APOL6: variants seen among roughly 807,000 people sequenced by gnomAD.
APOL6 encodes apolipoprotein L, 6.
In APOL6, 1 loss-of-function variant was observed where a neutral mutation model predicts 2.4. The ratio of observed to expected loss-of-function variants is 0.41; its 90% CI spans 0.15 to 1.94. APOL6 has a LOEUF of 1.94. APOL6 is among the 30% of genes most tolerant of loss of function. APOL6 has a pLI of 0.30. For synonymous variants in APOL6, 189 were observed against 169.3 expected, an observed-to-expected ratio of 1.12 and a Z score of -0.90; for missense variants, 438 against 429.2, an observed-to-expected ratio of 1.02 and a Z score of -0.18.
At position 35,659,714 on chromosome 22, in the gene APOL6, A is replaced by G. The variant is rs372090746; in HGVS notation, c.*118A>G. The G allele has an allele frequency of 7.2e-7, 1 of 1,385,040 alleles. No homozygotes were observed. The highest frequency in any genetic ancestry group is 2.5e-5 in the East Asian group (1 of 40,004). The allele number at this position is 1,385,040 out of a possible 1,614,324, so 85.8% of individuals were successfully genotyped here. A position where few individuals can be genotyped will look rare whatever the true frequency, so the allele number is the denominator to read the frequency against. On this transcript the variant is annotated 3_prime_UTR_variant, in exon 3 of 3. Transcript: ENST00000409652. ...CGGCATGCCTTCTGTTTCTCCTTCA[A>G]TGCTCCTTAAGGCCTATGTGCTGGG... is the stretch of plus-strand genomic sequence containing the variant.
rs200300305 is a variant in APOL6, at chr22:35,659,381, G to A, written c.817G>A (p.Ala273Thr). Residue 273 changes from alanine (A) to threonine (T), a missense_variant, in exon 3 of 3, where the codon GCC becomes ACC. Coordinates refer to ENST00000409652, the MANE Select transcript of APOL6 (RefSeq NM_030641.4). Reference sequence around the variant, plus strand: ...GACAAAGTTTGCGGAAGAGTTGAGAGCCAAGGCCTTGGAGCTGGAGAGGAA... The same window carrying A: ...GACAAAGTTTGCGGAAGAGTTGAGAACCAAGGCCTTGGAGCTGGAGAGGAA... ...ARTKFAEELRAKALELERKLT... is the reference protein window; with the variant it reads ...ARTKFAEELRTKALELERKLT... The A allele has an allele frequency of 6.2e-7, 1 of 1,614,124 alleles. No homozygotes were observed. Among genetic ancestry groups the A allele is most frequent in the African/African-American group, 1.3e-5 (1 of 75,020 alleles).
chr22:35,662,818 A>G lies in APOL6; in HGVS notation c.*3222A>G, dbSNP rs1238470557. On this transcript the variant is annotated 3_prime_UTR_variant, in exon 3 of 3. Coordinates refer to ENST00000409652, the MANE Select transcript of APOL6 (RefSeq NM_030641.4). ...AAATCTATCGGTGCTTGGTACCAGC[A>G]TGAGCTAACTTTATGGCTCAAACCA... 3.3e-5 allele frequency: 5 copies of G among 152,240 alleles called. No homozygotes were observed. The highest frequency in any genetic ancestry group is 1.2e-4 in the African/African-American group (5 of 41,466). 9.4% of individuals were successfully genotyped at this position (152,240 alleles called of 1,614,324 possible).
rs1363174492 is a variant in APOL6, at chr22:35,661,927, C to A, written c.*2331C>A. ...TCTTATCAAACCATGGTTGTATATG[C>A]AGTTGACCGAAACATTGTTATTGGA... is the stretch of plus-strand genomic sequence containing the variant. On this transcript the variant is annotated 3_prime_UTR_variant, in exon 3 of 3. Transcript: ENST00000409652. The A allele has an allele frequency of 6.6e-6, 1 of 152,162 alleles. No homozygotes were observed. The highest frequency in any genetic ancestry group is 2.4e-5 in the African/African-American group (1 of 41,434). The allele number at this position is 152,162 out of a possible 1,614,324, so 9.4% of individuals were successfully genotyped here. A position where few individuals can be genotyped will look rare whatever the true frequency, so the allele number is the denominator to read the frequency against.
At position 35,658,869 on chromosome 22, in the gene APOL6, C is replaced by T. The variant is rs778035401; in HGVS notation, c.305C>T (p.Thr102Ile). The T allele has an allele frequency of 6.2e-7, 1 of 1,614,154 alleles. No individual in the cohort carries two copies. The highest frequency in any genetic ancestry group is 8.5e-7 in the Non-Finnish European group (1 of 1,180,022). ...CTGGGTTTAGCCCTTGCCCCAGCAA[C>T]AGGAGGAGGAAGCCTGCTGCTCTCC... is the stretch of plus-strand genomic sequence containing the variant. ...SLLGLALAPA[T>I]GGGSLLLSTA... Residue 102 changes from threonine (T) to isoleucine (I), a missense_variant, in exon 3 of 3, where the codon ACA (threonine) becomes ATA (isoleucine). Thr to Ile is a moderately conservative substitution (Grantham distance 89). Transcript: ENST00000409652.
At chr22:35,656,124 G>T (rs763214339) in intron 1 of APOL6, among the ~76,000 whole-genome samples, 35 of 152,128 alleles carry the variant, frequency 2.3e-4, no homozygotes, top group Non-Finnish European at 4.4e-4. Flanking sequence ...TGCCAAAGTG[G>T]CATATTTTGG....
Position 35,649,326 on chromosome 22 carries a change from T to G in APOL6, c.-48+703T>G, listed in dbSNP as rs1924628233. Among the ~76,000 whole-genome samples the G allele has an allele frequency of 2.0e-5, 3 of 150,904 alleles. No individual in the cohort carries two copies. In the South Asian group the frequency reaches 6.2e-4, roughly 31 times the overall value. On this transcript the variant is annotated intron_variant, in intron 1 of 2. Coordinates refer to ENST00000409652, the MANE Select transcript of APOL6 (RefSeq NM_030641.4). ...GGTGCACACCTGTAGTCCCAGCTAC[T>G]TGGGAGGGTGCTGAGGTGGAAGGAT...
At chr22:35,654,753 T>G (rs1291880248) in intron 1 of APOL6, among the ~76,000 whole-genome samples, 4 of 152,122 alleles carry the variant, frequency 2.6e-5, no homozygotes, top group African/African-American at 9.7e-5. Flanking sequence ...GTGGTCATAA[T>G]TGTGAGAGAA....
chr22:35,652,602 G>A (rs1182031641), intron 1 of APOL6, among the ~76,000 whole-genome samples: 2 of 152,208 alleles, frequency 1.3e-5, no homozygotes, highest in Non-Finnish European at 2.9e-5. Context: ...TCCAGTTTCA[G>A]CTTTCTGCGT....
At chr22:35,658,410 C>T (rs537579275) in intron 2 of APOL6, among the ~76,000 whole-genome samples, 2 of 152,322 alleles carry the variant, frequency 1.3e-5, no homozygotes, top group Admixed American at 6.5e-5. Flanking sequence ...CTTCCACATG[C>T]CCCTCTTATG....
chr22:35,660,211 G>A lies in APOL6; in HGVS notation c.*615G>A, dbSNP rs558435645. Reference sequence around the variant, plus strand: ...ATGGACCCTTTGGGAGGTAATTAGGGTTGACTGAGGCCATAGGGTGAGGTC... The same window carrying A: ...ATGGACCCTTTGGGAGGTAATTAGGATTGACTGAGGCCATAGGGTGAGGTC... On this transcript the variant is annotated 3_prime_UTR_variant, in exon 3 of 3. Coordinates refer to ENST00000409652, the MANE Select transcript of APOL6 (RefSeq NM_030641.4). 6.5e-6 allele frequency: 1 copy of A among 154,132 alleles called. No homozygotes were observed. The highest frequency in any genetic ancestry group is 6.4e-5 in the Admixed American group (1 of 15,696). 9.5% of individuals were successfully genotyped at this position (154,132 alleles called of 1,614,324 possible).
intron 1 of APOL6, among the ~76,000 whole-genome samples, chr22:35,649,671 G>A (rs1205710531): frequency 6.6e-6 from 1 of 151,796 alleles, no homozygotes. Context: ...CAGGTCAGAG[G>A]GGATGGAATG....
At chr22:35,650,400 G>T (rs184270836) in intron 1 of APOL6, among the ~76,000 whole-genome samples, 1,920 of 152,314 alleles carry the variant, frequency 0.013, 22 homozygotes, top group Middle Eastern at 0.024. Flanking sequence ...TATTGAATGT[G>T]TAATGATACA....
In APOL6 at chr22:35,659,528, G is replaced by A; in HGVS notation, c.964G>A (p.Glu322Lys). The change falls in exon 3 of 3, where the codon GAG (glutamate) becomes AAG (lysine). Residue 322 changes from glutamate (E) to lysine (K), a missense_variant. Transcript: ENST00000409652. Reference sequence around the variant, plus strand: ...CGAGGCTTACTGGAAGGAGTTAAGGGAGCATGTGTGGATGTGGCTGTGGCT... The same window carrying A: ...CGAGGCTTACTGGAAGGAGTTAAGGAAGCATGTGTGGATGTGGCTGTGGCT... ...ETEAYWKELR[E>K]HVWMWLWLCV... 2 of 1,614,138 alleles carry A rather than the reference G, an allele frequency of 1.2e-6. No individual in the cohort carries two copies. The highest frequency in any genetic ancestry group is 1.7e-5 in the Admixed American group (1 of 60,030).
chr22:35,654,420 C>T (rs969714475), intron 1 of APOL6, among the ~76,000 whole-genome samples: 1 of 151,752 alleles, frequency 6.6e-6, no homozygotes, highest in African/African-American at 2.4e-5. Flanking sequence ...TAAAAGGGGT[C>T]GGTTATGGTT....
chr22:35,651,229 G>A (rs891252480), intron 1 of APOL6, among the ~76,000 whole-genome samples: 4 of 152,158 alleles, frequency 2.6e-5, no homozygotes. Flanking sequence ...AGTTCTGGAG[G>A]CTGGAAGTCA....
In APOL6 at chr22:35,658,863, C is replaced by A. The variant is rs1924923573; in HGVS notation, c.299C>A (p.Pro100Gln). Residue 100 changes from proline to glutamine, a missense_variant, in exon 3 of 3, where the codon CCA becomes CAA. By Grantham distance (76) the Pro-to-Gln change is moderately conservative. Coordinates refer to ENST00000409652, the MANE Select transcript of APOL6 (RefSeq NM_030641.4). ...VMSLLGLALA[P>Q]ATGGGSLLLS... ...AGCCTCCTGGGTTTAGCCCTTGCCC[C>A]AGCAACAGGAGGAGGAAGCCTGCTG... The A allele has an allele frequency of 1.2e-6, 2 of 1,614,128 alleles. No homozygotes were observed. Among genetic ancestry groups the A allele is most frequent in the Non-Finnish European group, 1.7e-6 (2 of 1,180,016 alleles).
rs888169148 is a variant in APOL6, at chr22:35,659,628, T to G, written c.*32T>G. The G allele has an allele frequency of 3.2e-6, 5 of 1,545,214 alleles. No homozygotes were observed. In the Admixed American group the frequency reaches 7.8e-5, roughly 24 times the overall value. On this transcript the variant is annotated 3_prime_UTR_variant, in exon 3 of 3. Transcript: ENST00000409652. ...CTCAGGACATGGCATACAATGGCCT[T>G]GGAGGTCCAAATAATATCAAGTACA...
At chr22:35,653,351 A>G (rs1924750426) in intron 1 of APOL6, among the ~76,000 whole-genome samples, 1 of 152,188 alleles carries the variant, frequency 6.6e-6, no homozygotes, top group African/African-American at 2.4e-5. Flanking sequence ...AAACAGGGAC[A>G]ATTTGACTTC....
chr22:35,664,377 C>T lies in APOL6; in HGVS notation c.*4781C>T, dbSNP rs998540898. The T allele has an allele frequency of 2.0e-5, 3 of 152,186 alleles. No homozygotes were observed. Among genetic ancestry groups the T allele is most frequent in the African/African-American group, 7.2e-5 (3 of 41,450 alleles). 9.4% of individuals were successfully genotyped at this position (152,186 alleles called of 1,614,324 possible). On this transcript the variant is annotated 3_prime_UTR_variant, in exon 3 of 3. Coordinates refer to ENST00000409652, the MANE Select transcript of APOL6 (RefSeq NM_030641.4). ...ATCCTGTGGCTTTAGGCAGTTTAGT[C>T]CACAGACAATAAGGAGGTTTGTTTT...
Sources: allele counts gnomAD v4.1 joint callset (sites outside exome capture counted in the v4.1 genomes callset), GRCh38; gene constraint gnomAD v4.1.1; transcripts MANE v1.5; gene names NCBI Gene and HGNC (gene_info 2026-07-23, HGNC 2026-07-21).